TMPRSS11A: variants seen among roughly 807,000 people sequenced by gnomAD.
TMPRSS11A encodes transmembrane serine protease 11A.
A neutral mutation model predicts 58.9 loss-of-function variants in TMPRSS11A; 53 were observed. The observed-to-expected ratio is 0.90, with a 90% CI of 0.72 to 1.13. The LOEUF is 1.13. TMPRSS11A is among the 50% of genes most tolerant of loss of function. TMPRSS11A has a pLI of 0.00. For synonymous variants in TMPRSS11A, 167 were observed against 169.8 expected, an observed-to-expected ratio of 0.98 and a Z score of 0.13; for missense variants, 493 against 499.3, an observed-to-expected ratio of 0.99 and a Z score of 0.12.
intron 1 of TMPRSS11A, among the ~76,000 whole-genome samples, chr4:67,951,581 G>T (rs1364232209): frequency 2.5e-5 from 2 of 81,230 alleles, no homozygotes; most frequent in Admixed American, 2.2e-4. Context: ...TCTTCTTTTG[G>T]GGGGATATTT....
intron 3 of TMPRSS11A, among the ~76,000 whole-genome samples, chr4:67,936,374 A>T (rs1166597873): frequency 1.4e-5 from 2 of 147,570 alleles, no homozygotes; most frequent in Non-Finnish European, 3.0e-5. Context: ...GCTATGAACC[A>T]TTCTCTCAAG....
At chr4:67,950,513 C>G (rs190226381) in intron 1 of TMPRSS11A, among the ~76,000 whole-genome samples, 2 of 152,168 alleles carry the variant, frequency 1.3e-5, no homozygotes, top group East Asian at 1.9e-4. Flanking sequence ...CCAATTGATT[C>G]GGGAACTTTA....
chr4:67,929,298 G>T (rs1380992111), intron 5 of TMPRSS11A, among the ~76,000 whole-genome samples: 2 of 152,004 alleles, frequency 1.3e-5, no homozygotes, highest in Non-Finnish European at 2.9e-5. Flanking sequence ...ATGGTATAAT[G>T]GGCTAAGGGT....
intron 3 of TMPRSS11A, among the ~76,000 whole-genome samples, chr4:67,934,275 C>A (rs1308392723): frequency 6.6e-6 from 1 of 152,034 alleles, no homozygotes; most frequent in Non-Finnish European, 1.5e-5. Context: ...GAATTTACAG[C>A]AGGAGGAAAA....
chr4:67,920,008 A>T (rs1410687322), intron 7 of TMPRSS11A, among the ~76,000 whole-genome samples: 1 of 152,200 alleles, frequency 6.6e-6, no homozygotes, highest in Non-Finnish European at 1.5e-5. Flanking sequence ...TTTTTAAAAA[A>T]CATGTTGGTT....
intron 1 of TMPRSS11A, among the ~76,000 whole-genome samples, chr4:67,949,199 G>T (rs1442679321): frequency 6.6e-6 from 1 of 152,036 alleles, no homozygotes; most frequent in African/African-American, 2.4e-5. Flanking sequence ...GTAGATAAAA[G>T]AATCACATCT....
At chr4:67,934,164 C>T (rs1720697003) in intron 3 of TMPRSS11A, among the ~76,000 whole-genome samples, 1 of 152,136 alleles carries the variant, frequency 6.6e-6, no homozygotes, top group African/African-American at 2.4e-5. Context: ...TCATTTACTA[C>T]ATCGGAGGAG....
At chr4:67,927,270 C>T (rs371185617) in intron 5 of TMPRSS11A, among the ~76,000 whole-genome samples, 55 of 152,292 alleles carry the variant, frequency 3.6e-4, no homozygotes, top group African/African-American at 1.3e-3. Flanking sequence ...CTTTAGGGAT[C>T]CCAGACCTGG....
chr4:67,953,046 C>A (rs1721202605), intron 1 of TMPRSS11A, among the ~76,000 whole-genome samples: 1 of 152,098 alleles, frequency 6.6e-6, no homozygotes, highest in Admixed American at 6.6e-5. Flanking sequence ...GCATTAGATT[C>A]TCATAAGGAG....
chr4:67,941,950 T>C (rs1023810540), intron 3 of TMPRSS11A, among the ~76,000 whole-genome samples: 1 of 152,116 alleles, frequency 6.6e-6, no homozygotes, highest in Non-Finnish European at 1.5e-5. Flanking sequence ...ACAGAATGGA[T>C]AAGCGCAGTG....
chr4:67,921,301 A>G lies in TMPRSS11A; in HGVS notation c.692+1454T>C, dbSNP rs144116477. Among the ~76,000 whole-genome samples, 213 of 152,298 alleles carry G rather than the reference A, an allele frequency of 1.4e-3. 4 individuals carry two copies. The East Asian group carries it at 0.038, about 27-fold the overall frequency. ...GCTTACTGAGCTCTCACATCTTTCAAACATTAAGAATTTATGTAGATTATT... is the reference window on the plus strand; with the variant it reads ...GCTTACTGAGCTCTCACATCTTTCAGACATTAAGAATTTATGTAGATTATT... On this transcript the variant is annotated intron_variant, in intron 7 of 9. Coordinates refer to ENST00000508048, the MANE Select transcript of TMPRSS11A (RefSeq NM_001114387.2).
chr4:67,930,829 T>TTTAAA (rs1265700805), intron 4 of TMPRSS11A, among the ~76,000 whole-genome samples: 6 of 90,134 alleles, frequency 6.7e-5, no homozygotes, highest in African/African-American at 1.9e-4. Flanking sequence ...TTTTTTTTTT[T>TTTAAA]ACAAAAAAAA....
At chr4:67,923,980 A>G (rs1720398134) in intron 6 of TMPRSS11A, 148 bp downstream of exon 6, 6 of 750,836 alleles carry the variant, frequency 8.0e-6, no homozygotes, top group Non-Finnish European at 1.4e-5. Flanking sequence ...CATGAGTTAG[A>G]AAAAAAATGT....
In TMPRSS11A at chr4:67,919,110, T is replaced by C. The variant is rs201446182; in HGVS notation, c.815A>G (p.Asp272Gly). 9.9e-6 allele frequency: 16 copies of C among 1,614,214 alleles called. No individual in the cohort carries two copies. In the Admixed American group the frequency reaches 2.7e-4, roughly 27 times the overall value. The change falls in exon 8 of 10, where the codon GAC becomes GGC. Residue 272 changes from aspartate (D) to glycine (G), a missense_variant. Coordinates refer to ENST00000508048, the MANE Select transcript of TMPRSS11A (RefSeq NM_001114387.2). Reference protein sequence around the residue: ...EKYRSAAREYDIAVVQVSSRV... With the variant: ...EKYRSAAREYGIAVVQVSSRV... ...GGAAGAGACCTGCACAACAGCAATG[T>C]CGTACTCTCTTGCTGCAGAGCGGTA...
chr4:67,914,538 C>T (rs1458280094), intron 9 of TMPRSS11A, 50 bp downstream of exon 9: 1 of 1,554,164 alleles, frequency 6.4e-7, no homozygotes, highest in Non-Finnish European at 8.9e-7. Flanking sequence ...ATATTCTGAG[C>T]CAGATACAAA....
chr4:67,911,315 C>T lies in TMPRSS11A; in HGVS notation c.*27G>A, dbSNP rs772919156. 6 of 1,610,084 alleles carry T rather than the reference C, an allele frequency of 3.7e-6. No individual in the cohort carries two copies. In the East Asian group the frequency reaches 1.1e-4, roughly 30 times the overall value. On this transcript the variant is annotated 3_prime_UTR_variant, in exon 10 of 10. Coordinates refer to ENST00000508048, the MANE Select transcript of TMPRSS11A (RefSeq NM_001114387.2). Reference sequence around the variant, plus strand: ...TCATGCATATATGACCTGCATACAGCTTTCTTTGTTTAACTTTTATCGTGA... The same window carrying T: ...TCATGCATATATGACCTGCATACAGTTTTCTTTGTTTAACTTTTATCGTGA...
Position 67,963,415 on chromosome 4 carries a change from C to T in TMPRSS11A, c.-22G>A. The T allele has an allele frequency of 6.2e-7, 1 of 1,613,588 alleles. No individual in the cohort carries two copies. On this transcript the variant is annotated 5_prime_UTR_variant, in exon 1 of 10. Coordinates refer to ENST00000508048, the MANE Select transcript of TMPRSS11A (RefSeq NM_001114387.2). ...TCATGTACAGGAGGAAGAATATGAT[C>T]TTGCAGGTCTGCACCCACTGAACTC...
At chr4:67,957,574 A>G (rs1426039112) in intron 1 of TMPRSS11A, among the ~76,000 whole-genome samples, 1 of 152,224 alleles carries the variant, frequency 6.6e-6, no homozygotes, top group Non-Finnish European at 1.5e-5. Flanking sequence ...CAAAGCATCC[A>G]AAAGGTTACT....
rs887107303 is a variant in TMPRSS11A, at chr4:67,911,094, T to C, written c.*248A>G. 3 of 337,266 alleles carry C rather than the reference T, an allele frequency of 8.9e-6. No individual in the cohort carries two copies. The highest frequency in any genetic ancestry group is 1.6e-5 in the Non-Finnish European group (3 of 184,636). The allele number at this position is 337,266 out of a possible 1,614,324, so 20.9% of individuals were successfully genotyped here. Reference sequence around the variant, plus strand: ...CTCACTGGTACTTCAACATTCGTGATTTAAAGAGCTAAGTATCTCTACCGT... The same window carrying C: ...CTCACTGGTACTTCAACATTCGTGACTTAAAGAGCTAAGTATCTCTACCGT... On this transcript the variant is annotated 3_prime_UTR_variant, in exon 10 of 10. Coordinates refer to ENST00000508048, the MANE Select transcript of TMPRSS11A (RefSeq NM_001114387.2).
Sources: gnomAD v4.1 joint callset for allele counts (sites outside exome capture counted in the v4.1 genomes callset) on GRCh38, gnomAD v4.1.1 for gene constraint, MANE v1.5 for transcripts, NCBI Gene and HGNC (gene_info 2026-07-23, HGNC 2026-07-21) for gene names.